The following KIRREL1 variants were observed in gnomAD, a reference collection of about 807,000 sequenced individuals.
The protein encoded by KIRREL1 is kin of IRRE-like protein 1.
In KIRREL1, 25 loss-of-function variants were observed where a neutral mutation model predicts 83.3. That is an observed-to-expected ratio of 0.30 (90% CI 0.22 to 0.42). The LOEUF is 0.42. Among genes scored for constraint, KIRREL1 ranks in the 10% least tolerant of loss-of-function variants. KIRREL1 has a pLI of 1.00. For missense variants in KIRREL1, 812 were observed against 1,032.3 expected, an observed-to-expected ratio of 0.79 and a Z score of 2.92; for synonymous variants, 388 against 410.4, an observed-to-expected ratio of 0.95 and a Z score of 0.66.
At chr1:158,053,720 T>G (rs748822251) in intron 1 of KIRREL1, among the ~76,000 whole-genome samples, 1 of 152,244 alleles carries the variant, frequency 6.6e-6, no homozygotes, top group Non-Finnish European at 1.5e-5. Flanking sequence ...CTGAAGCTAT[T>G]TCATGTAAAT....
In KIRREL1 at chr1:158,091,543, G is replaced by A; in HGVS notation, c.1458G>A (p.Gln486=). The change falls in exon 11 of 15, where the codon CAG becomes CAA. Residue 486 remains glutamine, a synonymous_variant. Coordinates refer to ENST00000359209, the MANE Select transcript of KIRREL1 (RefSeq NM_018240.7). ...NSFGPGTAII[Q]LEEREVLPVG... Reference sequence around the variant, plus strand: ...TCGGGCCAGGCACAGCCATCATCCAGCTGGAAGAGCGAGGTGACTGGTAGT... The same window carrying A: ...TCGGGCCAGGCACAGCCATCATCCAACTGGAAGAGCGAGGTGACTGGTAGT... The A allele has an allele frequency of 6.2e-7, 1 of 1,614,202 alleles. No individual in the cohort carries two copies. The highest frequency in any genetic ancestry group is 8.5e-7 in the Non-Finnish European group (1 of 1,180,032).
intron 1 of KIRREL1, among the ~76,000 whole-genome samples, chr1:158,052,626 A>C (rs1459704203): frequency 2.0e-5 from 3 of 151,108 alleles, no homozygotes; most frequent in African/African-American, 4.9e-5. Flanking sequence ...AAAAATACAA[A>C]AAAAAAAAAA....
rs1426328841 is a variant in KIRREL1, at chr1:158,096,662, A to T, written c.*1542A>T. On this transcript the variant is annotated 3_prime_UTR_variant, in exon 15 of 15. Transcript: ENST00000359209. Reference sequence around the variant, plus strand: ...TTTCTCCTCCTCCATGTGCACGCACATCCAACACACACCTTCCATGTGACT... The same window carrying T: ...TTTCTCCTCCTCCATGTGCACGCACTTCCAACACACACCTTCCATGTGACT... The T allele has an allele frequency of 2.2e-6, 1 of 456,736 alleles. No homozygotes were observed. The allele number at this position is 456,736 out of a possible 1,614,324, so 28.3% of individuals were successfully genotyped here.
At chr1:158,065,265 T>TG (rs1661328340) in intron 1 of KIRREL1, among the ~76,000 whole-genome samples, 1 of 152,166 alleles carries the variant, frequency 6.6e-6, no homozygotes, top group Admixed American at 6.6e-5. Context: ...TCCAGCCTGT[T>TG]GCGGGGACCC....
Position 158,093,615 on chromosome 1 carries a change from C to A in KIRREL1, c.1580-8C>A. 1 of 1,614,066 alleles carries A rather than the reference C, an allele frequency of 6.2e-7. No homozygotes were observed. The highest frequency in any genetic ancestry group is 8.5e-7 in the Non-Finnish European group (1 of 1,179,980). ...AGCACTTGTTCCAGGCTGCCTCTCC[C>A]GTCCCAGGTCGCAAAGACGTGACCC... is the stretch of plus-strand genomic sequence containing the variant. On this transcript the variant is annotated splice_polypyrimidine_tract_variant and splice_region_variant and intron_variant, in intron 12 of 14. Coordinates refer to ENST00000359209, the MANE Select transcript of KIRREL1 (RefSeq NM_018240.7).
chr1:158,036,934 T>A (rs993376593), intron 1 of KIRREL1, among the ~76,000 whole-genome samples: 4 of 152,108 alleles, frequency 2.6e-5, no homozygotes, highest in Non-Finnish European at 4.4e-5. Flanking sequence ...AGAGGAGCCT[T>A]GGCGGGCAGG....
intron 1 of KIRREL1, among the ~76,000 whole-genome samples, chr1:158,026,374 G>T (rs1051577798): frequency 2.0e-5 from 3 of 152,160 alleles, no homozygotes; most frequent in Non-Finnish European, 4.4e-5. Flanking sequence ...TGCTTATCTG[G>T]GCTCACTGAC....
chr1:158,058,226 G>T (rs1014605657), intron 1 of KIRREL1, among the ~76,000 whole-genome samples: 2 of 152,144 alleles, frequency 1.3e-5, no homozygotes. Flanking sequence ...GCTTTGTGGT[G>T]CCTGGGATGA....
At chr1:157,995,970 C>T (rs1222137095) in intron 1 of KIRREL1, among the ~76,000 whole-genome samples, 1 of 151,382 alleles carries the variant, frequency 6.6e-6, no homozygotes, top group Non-Finnish European at 1.5e-5. Flanking sequence ...TTGGCAGGAC[C>T]CCCTTTCCTT....
At chr1:158,002,694 G>A (rs939188212) in intron 1 of KIRREL1, among the ~76,000 whole-genome samples, 1 of 152,166 alleles carries the variant, frequency 6.6e-6, no homozygotes, top group African/African-American at 2.4e-5. Context: ...TTGTGAGAGA[G>A]GTATGTGAAA....
At chr1:158,077,078 A>G (rs533409014) in intron 2 of KIRREL1, among the ~76,000 whole-genome samples, 16 of 152,330 alleles carry the variant, frequency 1.1e-4, no homozygotes, top group Admixed American at 8.5e-4. Flanking sequence ...GAGATTTGTA[A>G]AAACATATTT....
rs2101656264 is a variant in KIRREL1 at position 158,099,800 on chromosome 1, G to T, written c.*4680G>T. 1 of 152,150 alleles carries T rather than the reference G, an allele frequency of 6.6e-6. No homozygotes were observed. The highest frequency in any genetic ancestry group is 6.5e-5 in the Admixed American group (1 of 15,278). The allele number at this position is 152,150 out of a possible 1,614,324, so 9.4% of individuals were successfully genotyped here. A position where few individuals can be genotyped will look rare whatever the true frequency, so the allele number is the denominator to read the frequency against. On this transcript the variant is annotated 3_prime_UTR_variant, in exon 15 of 15. Coordinates refer to ENST00000359209, the MANE Select transcript of KIRREL1 (RefSeq NM_018240.7). ...TTGCTTTTGGAGCTCTTCAGATGCT[G>T]TCCCCCCTGAGAATACCCTAACTCT...
intron 4 of KIRREL1, 22 bp downstream of exon 4, chr1:158,084,601 C>G (rs1661966776): frequency 1.3e-6 from 2 of 1,549,878 alleles, no homozygotes; most frequent in Non-Finnish European, 1.7e-6. Flanking sequence ...CCAGCTCCCC[C>G]AGCTCCTCCT....
chr1:158,075,278 G>A (rs545589356), intron 1 of KIRREL1, among the ~76,000 whole-genome samples: 6 of 152,324 alleles, frequency 3.9e-5, no homozygotes, highest in South Asian at 2.1e-4. Flanking sequence ...AAATGCTCCC[G>A]GCCGAGCTGC....
rs895042229 is a variant in KIRREL1 at position 158,038,578 on chromosome 1, G to GC, written c.53-37528dup. 7.5e-5 allele frequency among the ~76,000 whole-genome samples: 11 copies of GC among 146,264 alleles called. No individual in the cohort carries two copies. The East Asian group carries it at 8.2e-4, about 11-fold the overall frequency. Reference sequence around the variant, plus strand: ...CTGGCCTCAAGTGATTCTTGCCTTGGCCCCCCCAAAACACTGAGATTACAG... The same window carrying GC: ...CTGGCCTCAAGTGATTCTTGCCTTGGCCCCCCCCAAAACACTGAGATTACAG... On this transcript the variant is annotated intron_variant, in intron 1 of 14. Coordinates refer to ENST00000359209, the MANE Select transcript of KIRREL1 (RefSeq NM_018240.7).
In KIRREL1 at chr1:158,040,298, CAT is replaced by C; in HGVS notation, c.53-35814_53-35813del. 2.0e-5 allele frequency among the ~76,000 whole-genome samples: 3 copies of C among 152,248 alleles called. No individual in the cohort carries two copies. In the East Asian group the frequency reaches 5.8e-4, roughly 29 times the overall value. ...CCATACATCTAACTGGGGAAAGAGA[CAT>C]GTGGGCTGAGAAATGCCATAAAGCA... On this transcript the variant is annotated intron_variant, in intron 1 of 14. Transcript: ENST00000359209.
intron 1 of KIRREL1, among the ~76,000 whole-genome samples, chr1:158,015,687 T>C (rs772892468): frequency 6.6e-6 from 1 of 152,216 alleles, no homozygotes; most frequent in Admixed American, 6.5e-5. Context: ...CTGTAAATTG[T>C]ATCATGAATT....
intron 1 of KIRREL1, among the ~76,000 whole-genome samples, chr1:158,037,593 C>T (rs1312188381): frequency 6.6e-6 from 1 of 151,878 alleles, no homozygotes; most frequent in Non-Finnish European, 1.5e-5. Context: ...AGCAGCATGC[C>T]TGGCTTATAT....
chr1:158,089,361 G>A (rs1662119581), intron 8 of KIRREL1, 141 bp from the exon 9 acceptor site: 2 of 1,350,114 alleles, frequency 1.5e-6, no homozygotes, highest in South Asian at 1.3e-5. Context: ...GACCAAAATG[G>A]ACTCGGGAAC....
Sources: allele counts gnomAD v4.1 joint callset (sites outside exome capture counted in the v4.1 genomes callset), GRCh38; gene constraint gnomAD v4.1.1; transcripts MANE v1.5; gene names NCBI Gene and HGNC (gene_info 2026-07-23, HGNC 2026-07-21).